DACH2: variants seen among roughly 807,000 people sequenced by gnomAD.
DACH2 encodes the protein dachshund homolog 2.
Under a neutral mutation model 35.8 loss-of-function variants are expected in DACH2, and 17 were observed. The observed-to-expected ratio is 0.48, with a 90% CI of 0.33 to 0.71. The LOEUF is 0.71. DACH2 is among the 30% of genes least tolerant of loss of function. DACH2 has a pLI of 0.02. For missense variants in DACH2, 469 were observed against 472.7 expected (o/e 0.99, Z 0.07); for synonymous variants, 195 against 177.3 (o/e 1.10, Z -0.79).
At chrX:86,287,391 T>A (rs759664135) in intron 1 of DACH2, among the ~76,000 whole-genome samples, 2 of 111,763 alleles carry the variant, frequency 1.8e-5, no homozygotes, top group East Asian at 5.6e-4. Context: ...CTACTTGGTA[T>A]TCTATAACCT....
At chrX:86,559,970 T>C (rs1261571043) in intron 3 of DACH2, among the ~76,000 whole-genome samples, 2 of 59,729 alleles carry the variant, frequency 3.3e-5, no homozygotes, top group Non-Finnish European at 5.7e-5. Context: ...TGTGTGAATT[T>C]GATCCTGTCA....
intron 3 of DACH2, among the ~76,000 whole-genome samples, chrX:86,626,068 C>T (rs780595668): frequency 8.9e-6 from 1 of 112,006 alleles, no homozygotes; most frequent in African/African-American, 3.2e-5. Flanking sequence ...TCATCTGAGA[C>T]AAGGCAAGTC....
chrX:86,548,470 A>T (rs1319487982), intron 3 of DACH2, among the ~76,000 whole-genome samples: 1 of 112,334 alleles, frequency 8.9e-6, no homozygotes, highest in Non-Finnish European at 1.9e-5. Context: ...AATAATTTAC[A>T]GTTGCTTAGT....
At chrX:86,304,169 A>G (rs1199135052) in intron 1 of DACH2, among the ~76,000 whole-genome samples, 3 of 111,710 alleles carry the variant, frequency 2.7e-5, no homozygotes, top group Non-Finnish European at 3.8e-5. Context: ...GGATATCCAC[A>G]TGTAGAAGAA....
chrX:86,389,393 C>T (rs975648593), intron 2 of DACH2, among the ~76,000 whole-genome samples: 6 of 112,260 alleles, frequency 5.3e-5, no homozygotes, highest in African/African-American at 1.9e-4. Context: ...CTTGTAGCAG[C>T]ACAGCTAAAT....
At chrX:86,479,988 G>T (rs2037913380) in intron 2 of DACH2, among the ~76,000 whole-genome samples, 1 of 112,387 alleles carries the variant, frequency 8.9e-6, no homozygotes, top group Non-Finnish European at 1.9e-5. Flanking sequence ...GGCTTATTTA[G>T]TTCATTTTGT....
At chrX:86,245,307 C>G (rs1306207381) in intron 1 of DACH2, among the ~76,000 whole-genome samples, 1 of 111,656 alleles carries the variant, frequency 9.0e-6, no homozygotes, top group East Asian at 2.8e-4. Context: ...CATTCCCCAC[C>G]ACCCTGACAC....
intron 1 of DACH2, among the ~76,000 whole-genome samples, chrX:86,190,682 C>CA (rs1252515394): frequency 4.5e-5 from 5 of 111,980 alleles, no homozygotes; most frequent in Non-Finnish European, 9.4e-5. Context: ...CGGTGGCTCA[C>CA]GCCTGTAATC....
intron 1 of DACH2, among the ~76,000 whole-genome samples, chrX:86,344,519 G>T (rs966755622): frequency 1.2e-4 from 13 of 110,017 alleles, no homozygotes; most frequent in African/African-American, 4.3e-4. Flanking sequence ...CACTTATTCT[G>T]AAATGTGTTT....
chrX:86,404,890 T>A (rs2036499315), intron 2 of DACH2, among the ~76,000 whole-genome samples: 2 of 112,207 alleles, frequency 1.8e-5, no homozygotes, highest in South Asian at 7.4e-4. Context: ...GGATTCCAGA[T>A]CTCAGTTTTT....
At chrX:86,546,534 T>A in intron 3 of DACH2, among the ~76,000 whole-genome samples, 2 of 95,003 alleles carry the variant, frequency 2.1e-5, no homozygotes, top group Non-Finnish European at 4.1e-5. Flanking sequence ...AGACAGAGTC[T>A]TGTTCTGTCT....
chrX:86,430,342 G>A (rs2036965818), intron 2 of DACH2, among the ~76,000 whole-genome samples: 1 of 112,113 alleles, frequency 8.9e-6, no homozygotes, highest in African/African-American at 3.2e-5. Flanking sequence ...TATGGAAAAT[G>A]TTAAATAACT....
chrX:86,249,224 GC>G (rs2033350750), intron 1 of DACH2, among the ~76,000 whole-genome samples: 1 of 111,343 alleles, frequency 9.0e-6, no homozygotes, highest in South Asian at 3.7e-4. Flanking sequence ...TAACTAAGGA[GC>G]TTTTGCAAAT....
chrX:86,705,512 A>C (rs1304700373), intron 5 of DACH2, among the ~76,000 whole-genome samples: 3 of 111,433 alleles, frequency 2.7e-5, no homozygotes, highest in Non-Finnish European at 5.7e-5. Context: ...ACTAATCAAT[A>C]GGGAAATGCA....
In DACH2 at chrX:86,581,948, A is replaced by G. The variant is rs1277337294; in HGVS notation, c.640+67557A>G. Among the ~76,000 whole-genome samples, 8 of 111,922 alleles carry G rather than the reference A, an allele frequency of 7.1e-5. No individual in the cohort carries two copies. The Admixed American group carries it at 7.6e-4, about 11-fold the overall frequency. On this transcript the variant is annotated intron_variant, in intron 3 of 11. Coordinates refer to ENST00000373125, the MANE Select transcript of DACH2 (RefSeq NM_053281.3). ...ATTTACATATGGCACAGACTCTAAAATTGACCATAAAATCTGGCATAAAAC... is the reference window on the plus strand; with the variant it reads ...ATTTACATATGGCACAGACTCTAAAGTTGACCATAAAATCTGGCATAAAAC...
chrX:86,586,091 T>C (rs2039566872), intron 3 of DACH2, among the ~76,000 whole-genome samples: 1 of 111,851 alleles, frequency 8.9e-6, no homozygotes, highest in African/African-American at 3.2e-5. Flanking sequence ...TTTTCATTTT[T>C]AATAATAGCC....
At chrX:86,325,915 T>G (rs1018707564) in intron 1 of DACH2, among the ~76,000 whole-genome samples, 7 of 106,747 alleles carry the variant, frequency 6.6e-5, no homozygotes, top group Non-Finnish European at 9.5e-5. Context: ...GTTAAATCAG[T>G]TTTTCTGAGC....
At chrX:86,573,293 CAA>C (rs1321512144) in intron 3 of DACH2, among the ~76,000 whole-genome samples, 1 of 111,143 alleles carries the variant, frequency 9.0e-6, no homozygotes, top group African/African-American at 3.3e-5. Flanking sequence ...TAATTGGAGA[CAA>C]GAGAACTGAA....
At chrX:86,541,954 C>A (rs181880665) in intron 3 of DACH2, among the ~76,000 whole-genome samples, 1 of 111,862 alleles carries the variant, frequency 8.9e-6, no homozygotes, top group African/African-American at 3.2e-5. Flanking sequence ...GATTACTAGA[C>A]AATTGATATC....
Sources: allele counts gnomAD v4.1 joint callset (sites outside exome capture counted in the v4.1 genomes callset), GRCh38; gene constraint gnomAD v4.1.1; transcripts MANE v1.5; gene names NCBI Gene and HGNC (gene_info 2026-07-23, HGNC 2026-07-21).